NSG2: variants seen among roughly 807,000 people sequenced by gnomAD.
NSG2 encodes neuronal vesicle trafficking associated 2, also known as neuronal vesicle trafficking-associated protein 2.
Under a neutral mutation model 16.9 loss-of-function variants are expected in NSG2, and 4 were observed. The observed-to-expected ratio is 0.24, with a 90% CI of 0.12 to 0.54. NSG2 has a LOEUF of 0.54. NSG2 is among the 20% of genes least tolerant of loss of function. The pLI is 0.95. For synonymous variants in NSG2, 98 were observed against 88.7 expected (o/e 1.11, Z -0.59); for missense variants, 179 against 221.1 (o/e 0.81, Z 1.21).
intron 3 of NSG2, among the ~76,000 whole-genome samples, chr5:174,074,949 C>T (rs1760313336): frequency 6.6e-6 from 1 of 152,050 alleles, no homozygotes; most frequent in South Asian, 2.1e-4. Flanking sequence ...TGAGATGGCA[C>T]ATCGGCTTTC....
intron 4 of NSG2, among the ~76,000 whole-genome samples, chr5:174,106,625 C>T (rs1413871872): frequency 8.5e-6 from 1 of 117,662 alleles, no homozygotes; most frequent in African/African-American, 3.1e-5. Context: ...GACGGAGTCT[C>T]ACTCTGTCGC....
intron 3 of NSG2, among the ~76,000 whole-genome samples, chr5:174,071,139 C>T (rs982974849): frequency 2.6e-5 from 4 of 152,174 alleles, no homozygotes; most frequent in African/African-American, 9.7e-5. Context: ...CCAAAGGGAC[C>T]AGAGCTCACC....
intron 3 of NSG2, among the ~76,000 whole-genome samples, chr5:174,075,347 A>C (rs570504936): frequency 6.6e-6 from 1 of 152,312 alleles, no homozygotes; most frequent in East Asian, 1.9e-4. Flanking sequence ...ATGTGTGTGC[A>C]TGCATACACG....
chr5:174,108,241 G>A lies in NSG2; in HGVS notation c.*736G>A, dbSNP rs146993982. 8.4e-4 allele frequency: 134 copies of A among 159,222 alleles called. No individual in the cohort carries two copies. Among genetic ancestry groups the A allele is most frequent in the African/African-American group, 3.0e-3 (123 of 41,550 alleles). The allele number at this position is 159,222 out of a possible 1,614,324, so 9.9% of individuals were successfully genotyped here. On this transcript the variant is annotated 3_prime_UTR_variant, in exon 5 of 5. Coordinates refer to ENST00000303177, the MANE Select transcript of NSG2 (RefSeq NM_015980.5). ...TGGGTTCTGCATCAGCAAACGCTGA[G>A]GAGTGGGCAGATTTTCTTTGTCTTT... is the stretch of plus-strand genomic sequence containing the variant.
chr5:174,077,494 C>G (rs114698296), intron 3 of NSG2, among the ~76,000 whole-genome samples: 1 of 152,294 alleles, frequency 6.6e-6, no homozygotes, highest in African/African-American at 2.4e-5. Context: ...GTCGAATTCT[C>G]GACACACTGG....
At chr5:174,078,632 G>A (rs577401234) in intron 3 of NSG2, among the ~76,000 whole-genome samples, 1 of 152,264 alleles carries the variant, frequency 6.6e-6, no homozygotes, top group East Asian at 1.9e-4. Flanking sequence ...TAACCCCCAA[G>A]TTCATATTAG....
chr5:174,090,915 C>T (rs1360384705), intron 3 of NSG2, among the ~76,000 whole-genome samples: 1 of 152,164 alleles, frequency 6.6e-6, no homozygotes. Flanking sequence ...GTTTATCTGG[C>T]AGGGGAACCC....
rs780509546 is a variant in NSG2, at chr5:174,064,224, T to C, written c.130-8T>C. 3 of 1,599,086 alleles carry C rather than the reference T, an allele frequency of 1.9e-6. No individual in the cohort carries two copies. The highest frequency in any genetic ancestry group is 2.6e-6 in the Non-Finnish European group (3 of 1,170,090). On this transcript the variant is annotated splice_polypyrimidine_tract_variant and splice_region_variant and intron_variant, in intron 2 of 4. Transcript: ENST00000303177. The stretch of plus-strand genomic sequence containing the variant: ...CATGCATGCTAACACACTGGTTGAC[T>C]CTTTCAGGTGATTGTGAAGACAAGA...
At chr5:174,081,020 C>G (rs1003429769) in intron 3 of NSG2, among the ~76,000 whole-genome samples, 2 of 151,492 alleles carry the variant, frequency 1.3e-5, no homozygotes, top group Non-Finnish European at 2.9e-5. Context: ...TACAAGGAAT[C>G]TTTTCTTTTG....
intron 3 of NSG2, among the ~76,000 whole-genome samples, chr5:174,070,666 C>A (rs1224674350): frequency 6.6e-6 from 1 of 152,114 alleles, no homozygotes; most frequent in Non-Finnish European, 1.5e-5. Context: ...TTCTGTGCAG[C>A]TTCTCAGCTG....
intron 4 of NSG2, among the ~76,000 whole-genome samples, chr5:174,105,991 C>T (rs1270027260): frequency 3.3e-5 from 5 of 152,080 alleles, no homozygotes; most frequent in Non-Finnish European, 5.9e-5. Context: ...ACCCAGTGGA[C>T]GTCACTACAA....
intron 3 of NSG2, among the ~76,000 whole-genome samples, chr5:174,071,829 A>C (rs1581225513): frequency 6.6e-6 from 1 of 152,330 alleles, no homozygotes; most frequent in Non-Finnish European, 1.5e-5. Context: ...AGACAGGGTC[A>C]GGGAAGGTTG....
At chr5:174,066,146 G>A in intron 3 of NSG2, 1 of 455,614 alleles carries the variant, frequency 2.2e-6, no homozygotes, top group Non-Finnish European at 4.4e-6. Context: ...GAACTTCCTA[G>A]ATGCCACCCT....
chr5:174,054,339 T>G (rs55932475), intron 2 of NSG2, among the ~76,000 whole-genome samples: 1 of 152,188 alleles, frequency 6.6e-6, no homozygotes, highest in Admixed American at 6.5e-5. Flanking sequence ...CTATACTTTT[T>G]ATCTTTTTTT....
chr5:174,102,659 T>A (rs558366033), intron 3 of NSG2, among the ~76,000 whole-genome samples: 13 of 152,180 alleles, frequency 8.5e-5, no homozygotes, highest in African/African-American at 3.1e-4. Context: ...TTATTTTTTT[T>A]AAAGGTTGCT....
intron 3 of NSG2, chr5:174,066,254 G>A (rs779740317): frequency 6.6e-5 from 30 of 456,276 alleles, no homozygotes; most frequent in African/African-American, 1.0e-4. Flanking sequence ...ACCCAGCTGC[G>A]TACAAGTACT....
intron 2 of NSG2, among the ~76,000 whole-genome samples, chr5:174,055,100 C>A (rs570599287): frequency 6.6e-6 from 1 of 152,288 alleles, no homozygotes; most frequent in South Asian, 2.1e-4. Flanking sequence ...AGGGCTACCC[C>A]AGGCAGCAAG....
chr5:174,105,518 G>A (rs1048226468), intron 4 of NSG2, among the ~76,000 whole-genome samples: 1 of 152,212 alleles, frequency 6.6e-6, no homozygotes, highest in Non-Finnish European at 1.5e-5. Flanking sequence ...TAGCACCAAT[G>A]TTACTACTAA....
intron 2 of NSG2, among the ~76,000 whole-genome samples, chr5:174,061,775 T>G (rs995592919): frequency 6.6e-6 from 1 of 152,018 alleles, no homozygotes; most frequent in Non-Finnish European, 1.5e-5. Flanking sequence ...AGCTAATTTT[T>G]TTAATTTTTA....
Sources: gnomAD v4.1 joint callset for allele counts (sites outside exome capture counted in the v4.1 genomes callset) on GRCh38, gnomAD v4.1.1 for gene constraint, MANE v1.5 for transcripts, NCBI Gene and HGNC (gene_info 2026-07-23, HGNC 2026-07-21) for gene names.